ST6GALNAC5: variants seen among roughly 807,000 people sequenced by gnomAD.
The protein encoded by ST6GALNAC5 is alpha-N-acetylgalactosaminide alpha-2,6-sialyltransferase 5.
In ST6GALNAC5, 27 loss-of-function variants were observed where a neutral mutation model predicts 33.6. The observed-to-expected ratio is 0.80, with a 90% confidence interval of 0.59 to 1.11. ST6GALNAC5 has a LOEUF of 1.11. ST6GALNAC5 is among the 50% of genes least tolerant of loss of function. The probability of loss-of-function intolerance (pLI) is 0.00; values close to 1 mark genes in which losing one functional copy is unlikely to be tolerated. For missense variants in ST6GALNAC5, 428 were observed against 454.0 expected, an observed-to-expected ratio of 0.94 and a Z score of 0.52; for synonymous variants, 194 against 171.2, an observed-to-expected ratio of 1.13 and a Z score of -1.04.
At chr1:76,879,748 C>G (rs1427257775) in intron 2 of ST6GALNAC5, among the ~76,000 whole-genome samples, 2 of 152,160 alleles carry the variant, frequency 1.3e-5, no homozygotes, top group African/African-American at 4.8e-5. Flanking sequence ...GTTGCCACTA[C>G]TGGGGATGGG....
At chr1:76,964,244 G>A (rs1431702935) in intron 2 of ST6GALNAC5, among the ~76,000 whole-genome samples, 2 of 152,080 alleles carry the variant, frequency 1.3e-5, no homozygotes, top group African/African-American at 2.4e-5. Flanking sequence ...AGTTGATAAC[G>A]CCACTTGTCT....
At chr1:77,026,847 T>C (rs1188698487) in intron 2 of ST6GALNAC5, among the ~76,000 whole-genome samples, 3 of 151,264 alleles carry the variant, frequency 2.0e-5, no homozygotes, top group African/African-American at 7.3e-5. Context: ...GAAAATGTGT[T>C]AGGTACAAGT....
intron 2 of ST6GALNAC5, among the ~76,000 whole-genome samples, chr1:76,884,293 A>G (rs1653846415): frequency 3.9e-5 from 6 of 152,218 alleles, no homozygotes; most frequent in Admixed American, 3.3e-4. Context: ...GGATGATCCC[A>G]GATGGCACTT....
At chr1:77,017,759 A>G (rs751077740) in intron 2 of ST6GALNAC5, among the ~76,000 whole-genome samples, 4 of 152,256 alleles carry the variant, frequency 2.6e-5, no homozygotes, top group Non-Finnish European at 5.9e-5. Flanking sequence ...AGTATGAGAA[A>G]GAATGAATGT....
intron 2 of ST6GALNAC5, among the ~76,000 whole-genome samples, chr1:76,876,999 T>C (rs1042493584): frequency 1.3e-5 from 2 of 152,184 alleles, no homozygotes; most frequent in African/African-American, 4.8e-5. Context: ...CGATCACGTA[T>C]ACACCACTTC....
At chr1:77,057,079 C>T (rs1168586230) in intron 4 of ST6GALNAC5, among the ~76,000 whole-genome samples, 1 of 152,206 alleles carries the variant, frequency 6.6e-6, no homozygotes, top group Non-Finnish European at 1.5e-5. Flanking sequence ...ATTAATTCAA[C>T]TCTATTCTCT....
chr1:77,034,882 G>T (rs527848142), intron 2 of ST6GALNAC5, among the ~76,000 whole-genome samples: 26 of 152,194 alleles, frequency 1.7e-4, no homozygotes, highest in Non-Finnish European at 2.5e-4. Flanking sequence ...ATGGATACAG[G>T]TGGATTTTCT....
chr1:76,972,888 T>C (rs1408022828), intron 2 of ST6GALNAC5, among the ~76,000 whole-genome samples: 1 of 151,236 alleles, frequency 6.6e-6, no homozygotes, highest in Non-Finnish European at 1.5e-5. Flanking sequence ...TCTGTGTAAC[T>C]TTTTTTTTGT....
At chr1:76,922,208 G>C (rs1366121615) in intron 2 of ST6GALNAC5, among the ~76,000 whole-genome samples, 1 of 152,128 alleles carries the variant, frequency 6.6e-6, no homozygotes, top group Non-Finnish European at 1.5e-5. Flanking sequence ...TTGCATTTCT[G>C]TATTCCTACG....
intron 2 of ST6GALNAC5, among the ~76,000 whole-genome samples, chr1:76,932,570 G>C (rs1647155747): frequency 6.6e-6 from 1 of 152,022 alleles, no homozygotes. Flanking sequence ...GAACTTCTAA[G>C]GGGCATTGAG....
chr1:76,949,432 G>T lies in ST6GALNAC5; in HGVS notation c.261+80690G>T, dbSNP rs573546575. On this transcript the variant is annotated intron_variant, in intron 2 of 4. Coordinates refer to ENST00000477717, the MANE Select transcript of ST6GALNAC5 (RefSeq NM_030965.3). ...AATGGATAGAGCTGGCGTGAGGAGT[G>T]GAAGCTGTAAACCAGGACACCAGAA... is the stretch of plus-strand genomic sequence containing the variant. Among the ~76,000 whole-genome samples, 8 of 152,224 alleles carry T rather than the reference G, an allele frequency of 5.3e-5. No individual in the cohort carries two copies. The East Asian group carries it at 1.4e-3, about 26-fold the overall frequency.
chr1:77,019,376 C>T (rs1650970256), intron 2 of ST6GALNAC5, among the ~76,000 whole-genome samples: 1 of 152,184 alleles, frequency 6.6e-6, no homozygotes, highest in Non-Finnish European at 1.5e-5. Context: ...CCCTTCAGTG[C>T]CAGATTTGTT....
intron 4 of ST6GALNAC5, among the ~76,000 whole-genome samples, chr1:77,055,242 C>T (rs180741370): frequency 6.6e-6 from 1 of 152,138 alleles, no homozygotes; most frequent in African/African-American, 2.4e-5. Context: ...TCTACTGATG[C>T]ATTTATGTGT....
chr1:77,031,811 G>A (rs373893242), intron 2 of ST6GALNAC5, among the ~76,000 whole-genome samples: 2 of 152,148 alleles, frequency 1.3e-5, no homozygotes, highest in African/African-American at 2.4e-5. Context: ...AGGTCCTGGG[G>A]ATATTGTGGT....
chr1:76,936,704 G>A (rs552285022), intron 2 of ST6GALNAC5, among the ~76,000 whole-genome samples: 1 of 152,172 alleles, frequency 6.6e-6, no homozygotes, highest in African/African-American at 2.4e-5. Context: ...TTGTGAGGTT[G>A]TCCAAAGGGA....
intron 2 of ST6GALNAC5, among the ~76,000 whole-genome samples, chr1:77,041,697 G>A (rs1352953042): frequency 6.6e-6 from 1 of 152,120 alleles, no homozygotes; most frequent in African/African-American, 2.4e-5. Flanking sequence ...CCACTTTCTG[G>A]ACATCTGGAA....
At chr1:76,996,232 C>T (rs1649933672) in intron 2 of ST6GALNAC5, among the ~76,000 whole-genome samples, 1 of 152,142 alleles carries the variant, frequency 6.6e-6, no homozygotes, top group African/African-American at 2.4e-5. Flanking sequence ...TTCCCCATCC[C>T]CAGTGACCTC....
chr1:76,939,222 T>C (rs146078936), intron 2 of ST6GALNAC5, among the ~76,000 whole-genome samples: 16 of 152,176 alleles, frequency 1.1e-4, no homozygotes, highest in African/African-American at 3.6e-4. Context: ...CCCACTTCTC[T>C]TCTGTTAGGG....
rs183106769 is a variant in ST6GALNAC5 at position 76,965,789 on chromosome 1, G to A, written c.262-78415G>A. Among the ~76,000 whole-genome samples, 835 of 152,268 alleles carry A rather than the reference G, an allele frequency of 5.5e-3. 6 individuals are homozygous for A. Among genetic ancestry groups the A allele is most frequent in the Admixed American group, 0.011 (171 of 15,290 alleles). On this transcript the variant is annotated intron_variant, in intron 2 of 4. Coordinates refer to ENST00000477717, the MANE Select transcript of ST6GALNAC5 (RefSeq NM_030965.3). ...CATCTTGAATTAATTTTTGTATAAG[G>A]TGTAACGAAGGGATCCAATTTCAGC...
Sources: gnomAD v4.1 joint callset for allele counts (sites outside exome capture counted in the v4.1 genomes callset) on GRCh38, gnomAD v4.1.1 for gene constraint, MANE v1.5 for transcripts, NCBI Gene and HGNC (gene_info 2026-07-23, HGNC 2026-07-21) for gene names.